The following TMEM229B variants were observed in gnomAD, a reference collection of about 807,000 sequenced individuals.
TMEM229B encodes the protein chromosome 14 open reading frame 83.
Under a neutral mutation model 13.7 loss-of-function variants are expected in TMEM229B, and 6 were observed. The observed-to-expected ratio is 0.44, with a 90% CI of 0.24 to 0.86. The LOEUF is 0.86. Among genes scored for constraint, TMEM229B ranks in the 40% least tolerant of loss-of-function variants. TMEM229B has a pLI of 0.23. For synonymous variants in TMEM229B, 107 were observed against 102.1 expected (o/e 1.05, Z -0.29); for missense variants, 170 against 236.0 (o/e 0.72, Z 1.83).
In TMEM229B at chr14:67,502,354, A is replaced by G. The variant is rs575456517; in HGVS notation, c.-192+12732T>C. ...TCAAAAAAAAGAAAAGAAAGAAAAA[A>G]AAAGAAAAAAATGCAACAGATAGGA... On this transcript the variant is annotated intron_variant, in intron 1 of 2. Coordinates refer to the TMEM229B transcript ENST00000357461. Among the ~76,000 whole-genome samples the G allele has an allele frequency of 2.0e-5, 3 of 151,344 alleles. No homozygotes were observed. The South Asian group carries it at 6.3e-4, about 32-fold the overall frequency.
chr14:67,510,247 A>C (rs2032982648), intron 1 of TMEM229B, among the ~76,000 whole-genome samples: 1 of 152,244 alleles, frequency 6.6e-6, no homozygotes, highest in African/African-American at 2.4e-5. Flanking sequence ...TGATCACTGA[A>C]GCCAGCTGAA....
chr14:67,494,235 A>G (rs2032278277), intron 1 of TMEM229B, among the ~76,000 whole-genome samples: 1 of 152,324 alleles, frequency 6.6e-6, no homozygotes, highest in Non-Finnish European at 1.5e-5. Context: ...TCTCTCATTA[A>G]CCATGTAATT....
Position 67,474,370 on chromosome 14 carries a change from C to T in TMEM229B, c.-18-429G>A, listed in dbSNP as rs1034517657. Among the ~76,000 whole-genome samples the T allele has an allele frequency of 5.9e-5, 9 of 152,106 alleles. No individual in the cohort carries two copies. In the East Asian group the frequency reaches 1.7e-3, roughly 29 times the overall value. Reference sequence around the variant, plus strand: ...AGGGAGGTGTCTGTACTCCCTAGAGCTTTTTTGGATTATCTGTGGTCAGTT... The same window carrying T: ...AGGGAGGTGTCTGTACTCCCTAGAGTTTTTTTGGATTATCTGTGGTCAGTT... On this transcript the variant is annotated intron_variant, in intron 2 of 2. Coordinates refer to ENST00000554480, the MANE Select transcript of TMEM229B (RefSeq NM_001348543.2).
chr14:67,478,417 G>A (rs1221507474), intron 2 of TMEM229B, among the ~76,000 whole-genome samples: 1 of 152,154 alleles, frequency 6.6e-6, no homozygotes, highest in Non-Finnish European at 1.5e-5. Context: ...CACTGCTCTG[G>A]TTCACGCCCT....
At chr14:67,479,813 A>T (rs903846854) in intron 2 of TMEM229B, among the ~76,000 whole-genome samples, 12 of 152,258 alleles carry the variant, frequency 7.9e-5, no homozygotes, top group African/African-American at 2.9e-4. Context: ...TAAGCAAATG[A>T]ACCCAAAGAA....
At chr14:67,477,534 CG>C (rs778441652) in intron 2 of TMEM229B, among the ~76,000 whole-genome samples, 18 of 152,146 alleles carry the variant, frequency 1.2e-4, no homozygotes, top group Non-Finnish European at 2.5e-4. Flanking sequence ...TTTCTGTCCC[CG>C]GCCAGACCTC....
chr14:67,477,997 A>T (rs1288705771), intron 2 of TMEM229B, among the ~76,000 whole-genome samples: 1 of 152,242 alleles, frequency 6.6e-6, no homozygotes, highest in East Asian at 1.9e-4. Flanking sequence ...AAAGCCCAGC[A>T]CATAGTAAGC....
rs749555783 is a variant in TMEM229B at position 67,487,165 on chromosome 14, A to T, written c.-184T>A. On this transcript the variant is annotated 5_prime_UTR_variant, in exon 2 of 3. It removes an upstream start codon present in the reference 5' UTR. Transcript: ENST00000554480. Reference sequence around the variant, plus strand: ...CTTGGCTGGGGGGCTGGCAGCTTCCATGTGTCCCTGGGAATAAAAGAGGAG... The same window carrying T: ...CTTGGCTGGGGGGCTGGCAGCTTCCTTGTGTCCCTGGGAATAAAAGAGGAG... 2.0e-5 allele frequency: 3 copies of T among 152,160 alleles called. No homozygotes were observed. The highest frequency in any genetic ancestry group is 2.9e-5 in the Non-Finnish European group (2 of 68,056). 9.4% of individuals were successfully genotyped at this position (152,160 alleles called of 1,614,324 possible). A position where few individuals can be genotyped will look rare whatever the true frequency, so the allele number is the denominator to read the frequency against.
At position 67,506,286 on chromosome 14, in the gene TMEM229B, G is replaced by A. The variant is rs917950793; in HGVS notation, c.-192+8800C>T. Among the ~76,000 whole-genome samples, 13 of 152,074 alleles carry A rather than the reference G, an allele frequency of 8.5e-5. No individual in the cohort carries two copies. In the East Asian group the frequency reaches 9.6e-4, roughly 11 times the overall value. On this transcript the variant is annotated intron_variant, in intron 1 of 2. Transcript: ENST00000357461. ...TAAGACTTAAAGTGATCACAGAACC[G>A]TCTCCTATGAATAACCAGAAAAGTT...
chr14:67,490,737 G>T (rs2032136630), upstream of TMEM229B, among the ~76,000 whole-genome samples: 1 of 152,060 alleles, frequency 6.6e-6, no homozygotes, highest in African/African-American at 2.4e-5. Context: ...TAACACTGGA[G>T]CCAGAAAGCA....
upstream of TMEM229B, among the ~76,000 whole-genome samples, chr14:67,490,257 G>T (rs1007003595): frequency 1.3e-5 from 2 of 152,200 alleles, no homozygotes; most frequent in Non-Finnish European, 2.9e-5. Flanking sequence ...GGTGAAGGAA[G>T]CAAGGAGTGT....
At chr14:67,528,773 C>T (rs536290170) in intron 1 of TMEM229B, among the ~76,000 whole-genome samples, 5 of 152,208 alleles carry the variant, frequency 3.3e-5, no homozygotes, top group African/African-American at 9.6e-5. Flanking sequence ...ACATCAGTTC[C>T]GCCCTGGCAG....
At chr14:67,477,466 A>C (rs1342973303) in intron 2 of TMEM229B, among the ~76,000 whole-genome samples, 1 of 152,154 alleles carries the variant, frequency 6.6e-6, no homozygotes, top group Non-Finnish European at 1.5e-5. Context: ...GAATTTCTAC[A>C]GCACTTACTC....
At position 67,481,237 on chromosome 14, in the gene TMEM229B, T is replaced by C. The variant is rs183674861; in HGVS notation, c.-19+5763A>G. Among the ~76,000 whole-genome samples, 272 of 152,240 alleles carry C rather than the reference T, an allele frequency of 1.8e-3. 4 individuals are homozygous for C. The highest frequency in any genetic ancestry group is 1.2e-3 in the East Asian group (6 of 5,178). ...GTTTGAGGCTACAGTGAGCTATGAT[T>C]GTGCCACTGCACTCCAGCATGGACA... is the stretch of plus-strand genomic sequence containing the variant. On this transcript the variant is annotated intron_variant, in intron 2 of 2. Coordinates refer to ENST00000554480, the MANE Select transcript of TMEM229B (RefSeq NM_001348543.2).
At chr14:67,528,707 C>G (rs538416571) in intron 1 of TMEM229B, among the ~76,000 whole-genome samples, 12 of 152,152 alleles carry the variant, frequency 7.9e-5, no homozygotes, top group Non-Finnish European at 1.6e-4. Flanking sequence ...CTCTCTTGCC[C>G]GTATAACCCG....
chr14:67,518,130 G>A (rs180837961), upstream of TMEM229B, among the ~76,000 whole-genome samples: 4 of 152,130 alleles, frequency 2.6e-5, 1 homozygote, highest in Admixed American at 1.3e-4. Context: ...AAGGTGAAGG[G>A]GCCTGGAACA....
In TMEM229B at chr14:67,506,092, C is replaced by T. The variant is rs538795984; in HGVS notation, c.-192+8994G>A. On this transcript the variant is annotated intron_variant, in intron 1 of 2. Transcript: ENST00000357461. ...TCTGAGAATCCGATAAAAATATGGA[C>T]CAGGAAGCTGGAAGCCAGCAGAGTG... is the stretch of plus-strand genomic sequence containing the variant. 1.8e-4 allele frequency among the ~76,000 whole-genome samples: 28 copies of T among 152,274 alleles called. 1 individual carries two copies. Among genetic ancestry groups the T allele is most frequent in the Middle Eastern group, 3.4e-3 (1 of 294 alleles).
At chr14:67,529,894 C>T (rs1386590164) in intron 1 of TMEM229B, among the ~76,000 whole-genome samples, 1 of 152,198 alleles carries the variant, frequency 6.6e-6, no homozygotes, top group African/African-American at 2.4e-5. Flanking sequence ...CCCTCTCTTC[C>T]CCTTCCAACA....
chr14:67,492,295 G>A (rs553608056), upstream of TMEM229B, among the ~76,000 whole-genome samples: 11 of 152,276 alleles, frequency 7.2e-5, no homozygotes, highest in East Asian at 1.2e-3. Context: ...CTGCCTGGCC[G>A]CCGTCCCAGA....
Sources: allele counts gnomAD v4.1 joint callset (sites outside exome capture counted in the v4.1 genomes callset), GRCh38; gene constraint gnomAD v4.1.1; transcripts MANE v1.5; gene names NCBI Gene and HGNC (gene_info 2026-07-23, HGNC 2026-07-21).